Variants in PIK3CB observed in about 807,000 individuals in gnomAD.
PIK3CB encodes phosphatidylinositol-4,5-bisphosphate 3-kinase catalytic subunit beta.
In PIK3CB, 39 loss-of-function variants were observed where a neutral mutation model predicts 136.8. The ratio of observed to expected loss-of-function variants is 0.29; its 90% CI spans 0.22 to 0.37. The LOEUF (loss-of-function observed/expected upper bound fraction) is 0.37, where lower values mean the gene tolerates loss of function less well. Ranked by LOEUF, PIK3CB falls within the 10% of genes least tolerant of loss-of-function variation. The pLI is 1.00. For missense variants in PIK3CB, 868 were observed against 1,275.4 expected (o/e 0.68, Z 4.87); for synonymous variants, 428 against 436.6 (o/e 0.98, Z 0.25).
intron 2 of PIK3CB, among the ~76,000 whole-genome samples, chr3:138,760,526 CAAT>C (rs1356104433): frequency 6.6e-6 from 1 of 152,122 alleles, no homozygotes; most frequent in Non-Finnish European, 1.5e-5. Context: ...GAAGATACAA[CAAT>C]AATAATTGGA....
intron 19 of PIK3CB, among the ~76,000 whole-genome samples, chr3:138,669,243 C>T (rs997227333): frequency 2.5e-5 from 3 of 121,838 alleles, no homozygotes; most frequent in Non-Finnish European, 5.4e-5. Context: ...GAAACTTTGT[C>T]TCTACAAAAA....
At chr3:138,779,593 A>T (rs1183849087) in intron 2 of PIK3CB, among the ~76,000 whole-genome samples, 1 of 151,234 alleles carries the variant, frequency 6.6e-6, no homozygotes, top group Non-Finnish European at 1.5e-5. Context: ...GGGTTTTGCC[A>T]TGTTGCCCAG....
intron 1 of PIK3CB, among the ~76,000 whole-genome samples, chr3:138,803,169 G>T (rs1203079795): frequency 2.6e-5 from 4 of 152,144 alleles, no homozygotes; most frequent in Non-Finnish European, 4.4e-5. Flanking sequence ...TCTTCCACCA[G>T]AATAAAAAGT....
In PIK3CB at chr3:138,652,823, C is replaced by CA; in HGVS notation, c.*2565dup. On this transcript the variant is annotated 3_prime_UTR_variant, in exon 24 of 24. Transcript: ENST00000674063. The stretch of plus-strand genomic sequence containing the variant: ...CCCAATTACCCTGATGCGATAATTA[C>CA]ATGTTATATGCCTGTATCAAAATAT... 1 of 221,090 alleles carries CA rather than the reference C, an allele frequency of 4.5e-6. No individual in the cohort carries two copies. Among genetic ancestry groups the CA allele is most frequent in the Non-Finnish European group, 9.0e-6 (1 of 110,644 alleles). The allele number at this position is 221,090 out of a possible 1,614,324, so 13.7% of individuals were successfully genotyped here.
At chr3:138,760,374 A>G (rs1168245762) in intron 2 of PIK3CB, among the ~76,000 whole-genome samples, 1 of 152,150 alleles carries the variant, frequency 6.6e-6, no homozygotes, top group Non-Finnish European at 1.5e-5. Flanking sequence ...CTGGTATCAC[A>G]GTGCCTTCTG....
At position 138,655,439 on chromosome 3, in the gene PIK3CB, T is replaced by C; in HGVS notation, c.3163A>G (p.Thr1055Ala). ...GTGTGGGCCATCCAGTTCACTTTAG[T>C]AGTCCAGCTTTCCCTGAGCGCCTCA... ...FDEALRESWT[T>A]KVNWMAHTVR... The change falls in exon 24 of 24, where the codon ACT (threonine) becomes GCT (alanine). Residue 1055 changes from threonine (T) to alanine (A), a missense_variant. Physicochemically the swap from Thr to Ala is moderately conservative, Grantham distance 58 (BLOSUM62 0). Around this residue, in one of 4 missense-constraint regions of PIK3CB, gnomAD observed 88 missense variants for 147.8 expected, o/e 0.60. Coordinates refer to ENST00000674063, the MANE Select transcript of PIK3CB (RefSeq NM_006219.3). The C allele has an allele frequency of 1.2e-6, 2 of 1,614,082 alleles. No individual in the cohort carries two copies. The highest frequency in any genetic ancestry group is 8.5e-7 in the Non-Finnish European group (1 of 1,179,884).
intron 8 of PIK3CB, among the ~76,000 whole-genome samples, chr3:138,716,041 T>A (rs1000514324): frequency 6.6e-6 from 1 of 152,154 alleles, no homozygotes; most frequent in Non-Finnish European, 1.5e-5. Context: ...TTTGTGTATA[T>A]TTGAAACTTT....
rs1228759738 is a variant in PIK3CB at position 138,681,410 on chromosome 3, C to T, written c.2504+557G>A. 4.6e-5 allele frequency among the ~76,000 whole-genome samples: 7 copies of T among 152,226 alleles called. No individual in the cohort carries two copies. The East Asian group carries it at 5.8e-4, about 13-fold the overall frequency. On this transcript the variant is annotated intron_variant, in intron 19 of 23. Coordinates refer to ENST00000674063, the MANE Select transcript of PIK3CB (RefSeq NM_006219.3). ...TTTTCCTTATGTTCACTTCTATGGG[C>T]TCTTTAAATATTTACCCCTTGTTCT...
intron 6 of PIK3CB, among the ~76,000 whole-genome samples, chr3:138,736,224 C>T (rs1576370608): frequency 6.6e-6 from 1 of 152,116 alleles, no homozygotes; most frequent in African/African-American, 2.4e-5. Flanking sequence ...TAGAGTTCAA[C>T]AGCTTACTAT....
rs888813977 is a variant in PIK3CB at position 138,733,376 on chromosome 3, T to A, written c.1035A>T (p.Thr345=). The change falls in exon 8 of 24, where the codon ACA becomes ACT. Residue 345 remains threonine (T), a synonymous_variant. Transcript: ENST00000674063. ...IVLVKGNKLN[T]EETVKVHVRA... ...GGGTACTCACTTTTACAGTTTCCTC[T>A]GTGTTAAGTTTATTTCCCTTAACCA... The A allele has an allele frequency of 6.4e-7, 1 of 1,552,216 alleles. No homozygotes were observed. Among genetic ancestry groups the A allele is most frequent in the Admixed American group, 1.7e-5 (1 of 59,290 alleles).
intron 13 of PIK3CB, 89 bp downstream of exon 13, chr3:138,698,818 A>G: frequency 2.7e-6 from 2 of 730,088 alleles, no homozygotes; most frequent in Non-Finnish European, 4.3e-6. Flanking sequence ...CCTATCTATG[A>G]AAATATACCT....
At chr3:138,668,609 A>C (rs1020625538) in intron 19 of PIK3CB, among the ~76,000 whole-genome samples, 1 of 152,264 alleles carries the variant, frequency 6.6e-6, no homozygotes, top group African/African-American at 2.4e-5. Flanking sequence ...AATGAAATAA[A>C]TTCTACAACA....
At chr3:138,823,170 C>T (rs1053095439) in intron 1 of PIK3CB, among the ~76,000 whole-genome samples, 3 of 151,452 alleles carry the variant, frequency 2.0e-5, no homozygotes, top group Non-Finnish European at 2.9e-5. Flanking sequence ...GCCCATGGTC[C>T]CAGCTACTCT....
intron 11 of PIK3CB, 73 bp from the exon 12 acceptor site, chr3:138,704,566 T>C: frequency 1.1e-6 from 1 of 946,014 alleles, no homozygotes; most frequent in Non-Finnish European, 1.7e-6. Context: ...ATGACTACAT[T>C]TGTACTTAGA....
intron 2 of PIK3CB, among the ~76,000 whole-genome samples, chr3:138,783,291 A>AT (rs947038912): frequency 1.8e-4 from 27 of 149,964 alleles, no homozygotes; most frequent in African/African-American, 5.6e-4. Context: ...TTTTTTTTTA[A>AT]TTTTTTTTGG....
intron 1 of PIK3CB, among the ~76,000 whole-genome samples, chr3:138,814,455 G>A (rs1325683305): frequency 6.7e-6 from 1 of 150,268 alleles, no homozygotes; most frequent in East Asian, 2.0e-4. Flanking sequence ...TCCAGCCTAG[G>A]TGACAGAGTG....
rs553730395 is a variant in PIK3CB at position 138,771,377 on chromosome 3, C to T, written c.-16-12018G>A. The stretch of plus-strand genomic sequence containing the variant: ...AGCTGGGACCACAGTCGCCCGCCAC[C>T]GCAACCAGCTATTTTTTGTATTTAG... On this transcript the variant is annotated intron_variant, in intron 2 of 23. Coordinates refer to ENST00000674063, the MANE Select transcript of PIK3CB (RefSeq NM_006219.3). 9.9e-5 allele frequency among the ~76,000 whole-genome samples: 15 copies of T among 152,152 alleles called. No individual in the cohort carries two copies. In the East Asian group the frequency reaches 1.4e-3, roughly 14 times the overall value.
At chr3:138,826,051 C>A in intron 1 of PIK3CB, 1 of 1,261,976 alleles carries the variant, frequency 7.9e-7, no homozygotes, top group Non-Finnish European at 1.1e-6. Flanking sequence ...ACACAGCTTG[C>A]AAGTTTGCTG....
intron 1 of PIK3CB, among the ~76,000 whole-genome samples, chr3:138,819,253 A>C (rs540088321): frequency 2.0e-5 from 3 of 152,312 alleles, no homozygotes; most frequent in African/African-American, 7.2e-5. Flanking sequence ...AGGCTGAGGC[A>C]AAAGAATCAC....
Sources: gnomAD v4.1 joint callset for allele counts (sites outside exome capture counted in the v4.1 genomes callset) on GRCh38, gnomAD v4.1.1 for gene constraint, gnomAD v4.1.1 regional missense constraint, MANE v1.5 for transcripts, NCBI Gene and HGNC (gene_info 2026-07-23, HGNC 2026-07-21) for gene names.